The following PHF24 variants were observed in gnomAD, a reference collection of about 807,000 sequenced individuals.
PHF24 encodes PHD finger protein 24.
A neutral mutation model predicts 42.6 loss-of-function variants in PHF24; 25 were observed. That is an observed-to-expected ratio of 0.59 (90% CI 0.43 to 0.82). The LOEUF (loss-of-function observed/expected upper bound fraction) is 0.82. Ranked by LOEUF, PHF24 falls within the 40% of genes least tolerant of loss-of-function variation. The pLI, the probability that PHF24 is intolerant of heterozygous loss-of-function variation, is 0.00. For synonymous variants in PHF24, 185 were observed against 204.8 expected (o/e 0.90, Z 0.83); for missense variants, 470 against 538.1 (o/e 0.87, Z 1.25).
At chr9:34,701,466 T>G in the PHF24 span, among the ~76,000 whole-genome samples, 1 of 151,960 alleles carries the variant, frequency 6.6e-6, no homozygotes, top group Non-Finnish European at 1.5e-5. The surrounding 1 kb of genome is among the most constrained non-coding windows in gnomAD (Gnocchi z 5.8). Flanking sequence ...GCCCCGAGCC[T>G]GGGAAGGGAG....
At chr9:34,875,942 ACACACACACT>A in the PHF24 span, among the ~76,000 whole-genome samples, 13 of 86,884 alleles carry the variant, frequency 1.5e-4, no homozygotes, top group African/African-American at 6.2e-4. Context: ...ACACACACAC[ACACACACACT>A]CTCTCTCTCT....
the PHF24 span, among the ~76,000 whole-genome samples, chr9:34,844,687 C>T: frequency 6.6e-6 from 1 of 152,078 alleles, no homozygotes; most frequent in African/African-American, 2.4e-5. Context: ...TGTTATTTCA[C>T]TCTTCTTAAA....
At chr9:34,814,805 A>G in the PHF24 span, among the ~76,000 whole-genome samples, 3 of 152,176 alleles carry the variant, frequency 2.0e-5, no homozygotes, top group Non-Finnish European at 2.9e-5. Context: ...CAGTGGCACG[A>G]TATCGTCTCA....
the PHF24 span, among the ~76,000 whole-genome samples, chr9:34,667,870 G>A: frequency 2.0e-5 from 3 of 152,170 alleles, no homozygotes; most frequent in African/African-American, 7.2e-5. Flanking sequence ...CCAGATCTGG[G>A]AACCTGTTTT....
At chr9:34,873,815 T>C in the PHF24 span, among the ~76,000 whole-genome samples, 7 of 151,272 alleles carry the variant, frequency 4.6e-5, no homozygotes, top group Non-Finnish European at 8.9e-5. Context: ...ATTTTCATGA[T>C]ATTGATTCTT....
chr9:34,726,889 C>G, the PHF24 span: 2 of 1,551,682 alleles, frequency 1.3e-6, no homozygotes, highest in African/African-American at 2.7e-5. Context: ...CACCCACCAG[C>G]AATTGCTGAA....
the PHF24 span, chr9:34,922,612 C>G: frequency 1.0e-6 from 1 of 1,001,256 alleles, no homozygotes; most frequent in Non-Finnish European, 1.6e-6. Flanking sequence ...GGATCAAGAA[C>G]TTTTCCAAAA....
chr9:34,982,094 C>T (rs1296693885), exon 8 of PHF24: 1 of 152,176 alleles, frequency 6.6e-6, no homozygotes, highest in Non-Finnish European at 1.5e-5. Flanking sequence ...AGGGGGTCAG[C>T]TCTGGTCTGG....
chr9:34,840,468 TCTC>T, the PHF24 span, among the ~76,000 whole-genome samples: 30 of 151,756 alleles, frequency 2.0e-4, no homozygotes, highest in Admixed American at 6.6e-4. Context: ...TTCTTCTTCT[TCTC>T]CTCCTCCTCC....
At chr9:34,946,698 A>G in the PHF24 span, among the ~76,000 whole-genome samples, 1 of 152,206 alleles carries the variant, frequency 6.6e-6, no homozygotes, top group Non-Finnish European at 1.5e-5. Context: ...ACAGCTACAG[A>G]CTACCCAGGG....
At chr9:34,674,263 T>G in the PHF24 span, among the ~76,000 whole-genome samples, 1 of 152,246 alleles carries the variant, frequency 6.6e-6, no homozygotes, top group African/African-American at 2.4e-5. Context: ...AGCAAAACTC[T>G]GCTTTATTAC....
the PHF24 span, among the ~76,000 whole-genome samples, chr9:34,823,375 T>C: frequency 1.3e-5 from 2 of 152,146 alleles, no homozygotes; most frequent in African/African-American, 4.8e-5. Context: ...TTTCCCTATC[T>C]CACTCAAAAC....
chr9:34,692,320 A>G, the PHF24 span, among the ~76,000 whole-genome samples: 85 of 152,240 alleles, frequency 5.6e-4, 1 homozygote, highest in South Asian at 2.1e-4. Context: ...CTTTACCACT[A>G]TTACCTTGCT....
At chr9:34,915,914 C>T in the PHF24 span, among the ~76,000 whole-genome samples, 22 of 151,856 alleles carry the variant, frequency 1.4e-4, no homozygotes, top group South Asian at 4.2e-4. Context: ...AGCGGTCCCC[C>T]CCCACACCAC....
At chr9:34,943,959 T>C in the PHF24 span, among the ~76,000 whole-genome samples, 2 of 152,258 alleles carry the variant, frequency 1.3e-5, no homozygotes, top group African/African-American at 2.4e-5. Flanking sequence ...CTGGGTGAAC[T>C]ATATGTCTTC....
At chr9:34,956,496 C>T (rs1218610887), upstream of PHF24, among the ~76,000 whole-genome samples, 1 of 152,182 alleles carries the variant, frequency 6.6e-6, no homozygotes, top group Non-Finnish European at 1.5e-5. Context: ...AGGTGACTCA[C>T]CTGCCTCGGC....
At chr9:34,918,376 A>G in the PHF24 span, 2 of 684,570 alleles carry the variant, frequency 2.9e-6, no homozygotes, top group South Asian at 3.1e-5. Context: ...AGTTGTCCCA[A>G]TTGTAACTCG....
the PHF24 span, among the ~76,000 whole-genome samples, chr9:34,679,618 G>A: frequency 2.0e-5 from 3 of 152,224 alleles, no homozygotes; most frequent in African/African-American, 4.8e-5. Flanking sequence ...AGGAGGCTGA[G>A]GCATGAGAAT....
chr9:34,972,735 GA>G (rs571226353), intron 3 of PHF24, among the ~76,000 whole-genome samples: 24 of 152,084 alleles, frequency 1.6e-4, no homozygotes, highest in Non-Finnish European at 2.9e-4. Flanking sequence ...CCAACATGGT[GA>G]AACCCCATCT....
Sources: gnomAD v4.1 joint callset for allele counts (sites outside exome capture counted in the v4.1 genomes callset) on GRCh38, gnomAD v4.1.1 for gene constraint, Gnocchi (gnomAD v3.1) non-coding constraint, MANE v1.5 for transcripts, NCBI Gene and HGNC (gene_info 2026-07-23, HGNC 2026-07-21) for gene names.